The following NAV3 variants were observed in gnomAD, a reference collection of about 807,000 sequenced individuals.
NAV3 encodes the protein neuron navigator 3.
A neutral mutation model predicts 244.7 loss-of-function variants in NAV3; 87 were observed. The ratio of observed to expected loss-of-function variants is 0.36; its 90% CI spans 0.30 to 0.42. NAV3 has a LOEUF of 0.42. NAV3 is among the 20% of genes least tolerant of loss of function. The pLI is 1.00. For synonymous variants in NAV3, 1,126 were observed against 1,042.2 expected (o/e 1.08, Z -1.55); for missense variants, 2,663 against 2,893.3 (o/e 0.92, Z 1.83).
chr12:78,153,079 A>T (rs550635056), intron 22 of NAV3, among the ~76,000 whole-genome samples: 1 of 151,948 alleles, frequency 6.6e-6, no homozygotes, highest in African/African-American at 2.4e-5. Flanking sequence ...GGTGTTTTTT[A>T]TATATTAATT....
intron 12 of NAV3, among the ~76,000 whole-genome samples, chr12:78,059,505 T>G (rs1279457950): frequency 2.0e-5 from 3 of 152,112 alleles, no homozygotes; most frequent in Non-Finnish European, 4.4e-5. Flanking sequence ...GTCAGGATGG[T>G]CTCCATCTCT....
Position 78,175,202 on chromosome 12 carries a change from T to G in NAV3, c.4982-104T>G, listed in dbSNP as rs189068447. On this transcript the variant is annotated intron_variant, in intron 24 of 39. Transcript: ENST00000397909. ...CATTGAAATTATCTGTACAAAGCCTTGTTGACCTTTATTAGAGAACTGCCT... is the reference window on the plus strand; with the variant it reads ...CATTGAAATTATCTGTACAAAGCCTGGTTGACCTTTATTAGAGAACTGCCT... The G allele has an allele frequency of 2.2e-5, 28 of 1,269,862 alleles. No homozygotes were observed. In the Admixed American group the frequency reaches 4.9e-4, roughly 22 times the overall value. 78.7% of individuals were successfully genotyped at this position (1,269,862 alleles called of 1,614,324 possible).
intron 20 of NAV3, among the ~76,000 whole-genome samples, chr12:78,145,369 C>T (rs1429093962): frequency 3.3e-5 from 5 of 152,050 alleles, no homozygotes; most frequent in Admixed American, 6.6e-5. Context: ...GACTACTTTG[C>T]TTTATGTTTT....
chr12:77,621,542 G>A (rs1871372611), intron 2 of NAV3, among the ~76,000 whole-genome samples: 1 of 147,010 alleles, frequency 6.8e-6, no homozygotes, highest in Non-Finnish European at 1.5e-5. Context: ...ATACAGTGGT[G>A]TGATCTCGGC....
chr12:77,842,243 A>T (rs963835870), intron 1 of NAV3, among the ~76,000 whole-genome samples: 1 of 152,108 alleles, frequency 6.6e-6, no homozygotes, highest in Non-Finnish European at 1.5e-5. Flanking sequence ...CCAGGTCCAG[A>T]TATACACAAA....
At chr12:78,160,410 T>TGTGTGTGCGTGC (rs1555184883) in intron 23 of NAV3, among the ~76,000 whole-genome samples, 17 of 127,948 alleles carry the variant, frequency 1.3e-4, no homozygotes, top group Non-Finnish European at 2.4e-4. Context: ...CGTGCGTGTG[T>TGTGTGTGCGTGC]GTGTGTGTGT....
chr12:78,202,679 T>G (rs1216974062), intron 38 of NAV3, among the ~76,000 whole-genome samples: 1 of 151,992 alleles, frequency 6.6e-6, no homozygotes, highest in Non-Finnish European at 1.5e-5. Flanking sequence ...AGTAGGTTAG[T>G]GTGAAAGATG....
intron 2 of NAV3, among the ~76,000 whole-genome samples, chr12:77,596,045 A>C (rs1468857262): frequency 6.6e-6 from 1 of 152,194 alleles, no homozygotes; most frequent in East Asian, 1.9e-4. Context: ...GGTCCATTCT[A>C]GCAATCTGTG....
intron 2 of NAV3, among the ~76,000 whole-genome samples, chr12:77,610,974 T>A (rs1190341320): frequency 1.3e-5 from 2 of 149,168 alleles, no homozygotes; most frequent in Non-Finnish European, 1.5e-5. Context: ...AATCTTCAGA[T>A]AATATTGAAA....
chr12:78,196,508 G>T (rs2139973251), intron 34 of NAV3, among the ~76,000 whole-genome samples: 1 of 152,012 alleles, frequency 6.6e-6, no homozygotes, highest in East Asian at 1.9e-4. Flanking sequence ...TACTGATTAG[G>T]ATAATTTTAA....
At chr12:77,704,844 C>G (rs1203765107) in intron 2 of NAV3, among the ~76,000 whole-genome samples, 1 of 152,204 alleles carries the variant, frequency 6.6e-6, no homozygotes, top group Non-Finnish European at 1.5e-5. Context: ...CCAATTACTT[C>G]AAAGGCCCTT....
At chr12:77,902,151 G>C (rs1214355685) in intron 1 of NAV3, among the ~76,000 whole-genome samples, 1 of 152,018 alleles carries the variant, frequency 6.6e-6, no homozygotes, top group African/African-American at 2.4e-5. Flanking sequence ...TATTTTATTG[G>C]TAGTGGAACA....
At chr12:77,968,089 A>G (rs1210682841) in intron 4 of NAV3, among the ~76,000 whole-genome samples, 2 of 152,220 alleles carry the variant, frequency 1.3e-5, no homozygotes, top group Non-Finnish European at 2.9e-5. Context: ...TTATAAATGC[A>G]GGACAACCAA....
chr12:77,701,124 A>G (rs1299786699), intron 2 of NAV3, among the ~76,000 whole-genome samples: 1 of 151,792 alleles, frequency 6.6e-6, no homozygotes, highest in Non-Finnish European at 1.5e-5. Flanking sequence ...ATTGTGTAAG[A>G]CTGATATTGT....
In NAV3 at chr12:78,117,158, CATATATAT is replaced by C. The variant is rs377148138; in HGVS notation, c.2769+285_2769+292del. Among the ~76,000 whole-genome samples the C allele has an allele frequency of 1.4e-3, 97 of 70,332 alleles. 1 individual carries two copies. The East Asian group carries it at 0.018, about 13-fold the overall frequency. 46.1% of individuals were successfully genotyped at this position (70,332 alleles called of 152,430 possible). On this transcript the variant is annotated intron_variant, in intron 13 of 39. Coordinates refer to ENST00000397909, the MANE Select transcript of NAV3 (RefSeq NM_001024383.2). ...GCCAATTTTGAATAAACAGAAGCAG[CATATATAT>C]ATATATATATATATATATATATATA...
chr12:77,651,838 G>C (rs1872835939), intron 2 of NAV3, among the ~76,000 whole-genome samples: 1 of 152,170 alleles, frequency 6.6e-6, no homozygotes, highest in Non-Finnish European at 1.5e-5. Flanking sequence ...CAGAGGTGCT[G>C]GGCTGGGTGT....
At chr12:77,754,087 T>A (rs1248795920) in intron 2 of NAV3, among the ~76,000 whole-genome samples, 2 of 152,144 alleles carry the variant, frequency 1.3e-5, no homozygotes, top group Non-Finnish European at 2.9e-5. Context: ...CTGATGTTAT[T>A]TTATACGTAT....
intron 2 of NAV3, among the ~76,000 whole-genome samples, chr12:77,707,874 C>G (rs941947695): frequency 3.3e-5 from 5 of 152,174 alleles, no homozygotes; most frequent in Non-Finnish European, 4.4e-5. Flanking sequence ...TGAGACGTGT[C>G]TGTTCATACC....
chr12:77,585,514 C>T (rs1450077739), intron 2 of NAV3, among the ~76,000 whole-genome samples: 1 of 151,930 alleles, frequency 6.6e-6, no homozygotes, highest in Non-Finnish European at 1.5e-5. Context: ...ACACATTATT[C>T]TCTGATAGGA....
Sources: gnomAD v4.1 joint callset for allele counts (sites outside exome capture counted in the v4.1 genomes callset) on GRCh38, gnomAD v4.1.1 for gene constraint, MANE v1.5 for transcripts, NCBI Gene and HGNC (gene_info 2026-07-23, HGNC 2026-07-21) for gene names.